The following DOP1A variants were observed in gnomAD, a reference collection of about 807,000 sequenced individuals.
The protein encoded by DOP1A is protein DOP1A.
DOP1A carries 90 observed loss-of-function variants against 267.6 expected under a neutral mutation model. That is an observed-to-expected ratio of 0.34 (90% CI 0.28 to 0.40). The LOEUF (loss-of-function observed/expected upper bound fraction) is 0.40, where lower values mean the gene tolerates loss of function less well. DOP1A is among the 10% of genes least tolerant of loss of function. The probability of loss-of-function intolerance (pLI) is 1.00; values close to 1 mark genes in which losing one functional copy is unlikely to be tolerated. For missense variants in DOP1A, 2,437 were observed against 2,900.4 expected (o/e 0.84, Z 3.67); for synonymous variants, 932 against 999.1 (o/e 0.93, Z 1.27).
chr6:83,079,465 C>G (rs1291857870), intron 1 of DOP1A, among the ~76,000 whole-genome samples: 1 of 152,052 alleles, frequency 6.6e-6, no homozygotes, highest in African/African-American at 2.4e-5. Context: ...AATTGGAACA[C>G]ACTAGGAAGT....
chr6:83,097,870 T>A (rs200384273), intron 3 of DOP1A, among the ~76,000 whole-genome samples: 1 of 147,566 alleles, frequency 6.8e-6, no homozygotes, highest in Non-Finnish European at 1.5e-5. Context: ...ATTTTATTAT[T>A]TTATTTTATT....
At position 83,118,859 on chromosome 6, in the gene DOP1A, A is replaced by T. The variant is rs144889245; in HGVS notation, c.781-29A>T. 573 of 1,594,062 alleles carry T rather than the reference A, an allele frequency of 3.6e-4. 2 individuals carry two copies. The African/African-American group carries it at 7.3e-3, about 20-fold the overall frequency. On this transcript the variant is annotated intron_variant, in intron 7 of 38. Transcript: ENST00000349129. The stretch of plus-strand genomic sequence containing the variant: ...AAAATAATATATATTGTATATTGCT[A>T]AGTACAACCATATTCCTAACTCTTT...
rs936786327 is a variant in DOP1A at position 83,154,736 on chromosome 6, C to A, written c.6451+495C>A. Among the ~76,000 whole-genome samples the A allele has an allele frequency of 1.3e-5, 2 of 152,022 alleles. 1 individual carries two copies. Among genetic ancestry groups the A allele is most frequent in the South Asian group, 4.1e-4 (2 of 4,826 alleles). On this transcript the variant is annotated intron_variant, in intron 33 of 38. Transcript: ENST00000349129. ...CCAAGAAGGGCAGAATCACCCCCCA[C>A]CCCCTCTTTCTACTCTTGATTGTTT...
intron 1 of DOP1A, among the ~76,000 whole-genome samples, chr6:83,073,604 T>C (rs546441700): frequency 2.0e-5 from 3 of 151,964 alleles, no homozygotes; most frequent in Non-Finnish European, 4.4e-5. Context: ...TAAACTGTTG[T>C]TAAGTTATCT....
At position 83,167,946 on chromosome 6, in the gene DOP1A, A is replaced by G. The variant is rs1786230139; in HGVS notation, c.7177A>G (p.Met2393Val). The G allele has an allele frequency of 6.2e-7, 1 of 1,614,146 alleles. No homozygotes were observed. The highest frequency in any genetic ancestry group is 8.5e-7 in the Non-Finnish European group (1 of 1,180,006). Residue 2393 changes from methionine (M) to valine (V), a missense_variant, in exon 39 of 39, where the codon ATG becomes GTG. Transcript: ENST00000349129. ...LLLTICTVRS[M>V]EQLLPFFNVL... ...GCTCACCATCTGCACCGTGCGCAGTATGGAGCAGCTCCTGCCGTTCTTCAA... is the reference window on the plus strand; with the variant it reads ...GCTCACCATCTGCACCGTGCGCAGTGTGGAGCAGCTCCTGCCGTTCTTCAA...
At chr6:83,107,955 A>G (rs1773916584) in intron 4 of DOP1A, among the ~76,000 whole-genome samples, 1 of 152,242 alleles carries the variant, frequency 6.6e-6, no homozygotes. Context: ...AAAAGATGTT[A>G]AAGTCCACAT....
intron 6 of DOP1A, among the ~76,000 whole-genome samples, chr6:83,111,915 G>T (rs1230882788): frequency 6.6e-6 from 1 of 151,862 alleles, no homozygotes; most frequent in Non-Finnish European, 1.5e-5. Flanking sequence ...TTCTCTTGCT[G>T]CTTGTGCTTT....
Position 83,135,818 on chromosome 6 carries a change from C to T in DOP1A, c.3070C>T (p.Pro1024Ser), listed in dbSNP as rs1778785525. The change falls in exon 20 of 39, where the codon CCC becomes TCC. Residue 1024 changes from proline to serine, a missense_variant. Physicochemically the swap from Pro to Ser is moderately conservative, Grantham distance 74. Transcript: ENST00000349129. ...AGCAGAACGTTATTGGAATAAGTCT[C>T]CCTGTTATCCAGGAGAGGAGAGTGA... ...VQAERYWNKS[P>S]CYPGEESDKH... 2 of 1,613,424 alleles carry T rather than the reference C, an allele frequency of 1.2e-6. No homozygotes were observed. Among genetic ancestry groups the T allele is most frequent in the African/African-American group, 2.7e-5 (2 of 74,852 alleles).
rs141401209 is a variant in DOP1A at position 83,140,361 on chromosome 6, C to T, written c.5373C>T (p.Ala1791=). 19 of 1,612,208 alleles carry T rather than the reference C, an allele frequency of 1.2e-5. No homozygotes were observed. The African/African-American group carries it at 1.6e-4, about 14-fold the overall frequency. The change falls in exon 23 of 39, where the codon GCC becomes GCT. Residue 1791 remains alanine, a synonymous_variant. Transcript: ENST00000349129. ...ATTCTTCAGAAAAGATGACTATTGC[C>T]GCATCCGCATCTCTTACCACTATTA... ...QADSSEKMTI[A]ASASLTTINL... is the part of the protein sequence containing the mutation.
chr6:83,152,178 CAT>C, intron 29 of DOP1A, 108 bp from the exon 30 acceptor site: 4 of 754,522 alleles, frequency 5.3e-6, no homozygotes, highest in Non-Finnish European at 8.2e-6. Flanking sequence ...TATATATATA[CAT>C]ATACATATAT....
chr6:83,156,771 G>A (rs1221347158), intron 34 of DOP1A, among the ~76,000 whole-genome samples: 1 of 152,134 alleles, frequency 6.6e-6, no homozygotes, highest in African/African-American at 2.4e-5. Flanking sequence ...ATGATTCCTT[G>A]TTTCCTAACC....
intron 1 of DOP1A, among the ~76,000 whole-genome samples, chr6:83,073,816 G>A (rs1786017274): frequency 6.6e-6 from 1 of 152,184 alleles, no homozygotes; most frequent in African/African-American, 2.4e-5. Flanking sequence ...GAATGATGTA[G>A]TTCCTCCCCA....
chr6:83,073,702 G>A (rs1231757241), intron 1 of DOP1A, among the ~76,000 whole-genome samples: 2 of 152,182 alleles, frequency 1.3e-5, no homozygotes, highest in Admixed American at 1.3e-4. Flanking sequence ...GAAGTTATTT[G>A]GCTTGAGTTT....
chr6:83,157,406 T>C (rs1385829445), intron 35 of DOP1A, 88 bp downstream of exon 35: 1 of 1,393,340 alleles, frequency 7.2e-7, no homozygotes, highest in African/African-American at 1.4e-5. Flanking sequence ...TTAACGAATA[T>C]TGGGAGAGAA....
chr6:83,108,866 T>C, intron 4 of DOP1A, 44 bp from the exon 5 acceptor site: 1 of 1,535,498 alleles, frequency 6.5e-7, no homozygotes, highest in Non-Finnish European at 8.9e-7. Flanking sequence ...TAATATTGTA[T>C]AGTTATTTTG....
chr6:83,145,466 A>G, intron 24 of DOP1A, 58 bp from the exon 25 acceptor site: 4 of 1,377,924 alleles, frequency 2.9e-6, no homozygotes, highest in Non-Finnish European at 3.9e-6. Context: ...TCTCTTCTGT[A>G]ACTTCCCCTA....
chr6:83,117,041 T>C (rs969151354), intron 7 of DOP1A, among the ~76,000 whole-genome samples: 1 of 152,176 alleles, frequency 6.6e-6, no homozygotes, highest in Non-Finnish European at 1.5e-5. Context: ...GTAGTTAAGC[T>C]CACAACTCAG....
chr6:83,118,755 GT>G lies in DOP1A; in HGVS notation c.781-132del, dbSNP rs201674437. 3.5e-4 allele frequency: 195 copies of G among 560,396 alleles called. 1 individual carries two copies. The highest frequency in any genetic ancestry group is 3.1e-3 in the African/African-American group (167 of 53,336). 34.7% of individuals were successfully genotyped at this position (560,396 alleles called of 1,614,324 possible). A position where few individuals can be genotyped will look rare whatever the true frequency, so the allele number is the denominator to read the frequency against. On this transcript the variant is annotated intron_variant, in intron 7 of 38. Transcript: ENST00000349129. Reference sequence around the variant, plus strand: ...ATCTGTAAAATGGAAGTAATATCCTGTGTTTGAAATAATCCATGAAAGTACT... The same window carrying G: ...ATCTGTAAAATGGAAGTAATATCCTGGTTTGAAATAATCCATGAAAGTACT...
At chr6:83,162,331 C>G (rs899740181) in intron 37 of DOP1A, among the ~76,000 whole-genome samples, 24 of 152,060 alleles carry the variant, frequency 1.6e-4, no homozygotes, top group African/African-American at 4.6e-4. Context: ...TTCTTAAATT[C>G]GTTCAATTTT....
Sources: gnomAD v4.1 joint callset for allele counts (sites outside exome capture counted in the v4.1 genomes callset) on GRCh38, gnomAD v4.1.1 for gene constraint, MANE v1.5 for transcripts, NCBI Gene and HGNC (gene_info 2026-07-23, HGNC 2026-07-21) for gene names.